MYO10: variants seen among roughly 807,000 people sequenced by gnomAD.
MYO10 encodes myosin X.
MYO10 carries 133 observed loss-of-function variants against 257.3 expected under a neutral mutation model. That is an observed-to-expected ratio of 0.52 (90% confidence interval 0.45 to 0.60). MYO10 has a LOEUF of 0.60. MYO10 is among the 20% of genes least tolerant of loss of function. The pLI is 0.00. For synonymous variants in MYO10, 1,104 were observed against 1,028.6 expected (o/e 1.07, Z -1.40); for missense variants, 2,399 against 2,635.7 (o/e 0.91, Z 1.97).
intron 19 of MYO10, among the ~76,000 whole-genome samples, chr5:16,737,818 C>T (rs559657152): frequency 1.3e-5 from 2 of 152,182 alleles, no homozygotes; most frequent in East Asian, 3.9e-4. Flanking sequence ...AGGCTAGAGC[C>T]CAACAACAAA....
intron 3 of MYO10, among the ~76,000 whole-genome samples, chr5:16,804,644 A>G (rs952440179): frequency 7.2e-5 from 11 of 152,038 alleles, no homozygotes; most frequent in African/African-American, 2.4e-4. Flanking sequence ...AAGCTGAGGC[A>G]GGAGGATCAC....
chr5:16,839,169 T>C (rs1057302231), intron 2 of MYO10, among the ~76,000 whole-genome samples: 45 of 152,284 alleles, frequency 3.0e-4, no homozygotes, highest in Non-Finnish European at 4.6e-4. Flanking sequence ...CCATAGTAGA[T>C]GGTGATTGCT....
intron 3 of MYO10, among the ~76,000 whole-genome samples, chr5:16,813,546 G>C (rs1449230799): frequency 6.7e-6 from 1 of 149,394 alleles, no homozygotes; most frequent in Non-Finnish European, 1.5e-5. Context: ...GTGAGACCCT[G>C]GCTCTAAAAA....
At chr5:16,834,190 G>A (rs575923679) in intron 2 of MYO10, among the ~76,000 whole-genome samples, 8 of 152,106 alleles carry the variant, frequency 5.3e-5, no homozygotes, top group African/African-American at 1.4e-4. Context: ...TAGTCTGAGC[G>A]GGCTGGCCTT....
intron 34 of MYO10, among the ~76,000 whole-genome samples, chr5:16,675,499 AG>A (rs1415675599): frequency 6.6e-6 from 1 of 152,144 alleles, no homozygotes; most frequent in African/African-American, 2.4e-5. Context: ...GCACTTTGGG[AG>A]GCCGAGGCAG....
rs200836233 is a variant in MYO10 at position 16,701,659 on chromosome 5, G to C, written c.2736C>G (p.Thr912=). ...RMKEQQELSL[T]EASLQKLQER... ...CCTGCAGCTTCTGCAGGGAAGCCTCGGTCAGCGACAGCTCCTGCTGCTCCT... is the reference window on the plus strand; with the variant it reads ...CCTGCAGCTTCTGCAGGGAAGCCTCCGTCAGCGACAGCTCCTGCTGCTCCT... The change falls in exon 25 of 41, where the codon ACC becomes ACG. Residue 912 remains threonine, a synonymous_variant. Coordinates refer to ENST00000513610, the MANE Select transcript of MYO10 (RefSeq NM_012334.3). This position sits in a 1 kb window ranked among gnomAD's most constrained non-coding sequence, Gnocchi z 8.1. The C allele has an allele frequency of 3.1e-6, 5 of 1,613,686 alleles. No individual in the cohort carries two copies. Among genetic ancestry groups the C allele is most frequent in the Admixed American group, 1.7e-5 (1 of 59,968 alleles).
At chr5:16,816,774 C>T (rs773168870) in intron 3 of MYO10, among the ~76,000 whole-genome samples, 1 of 151,804 alleles carries the variant, frequency 6.6e-6, no homozygotes, top group African/African-American at 2.4e-5. Flanking sequence ...GTGATCCGCC[C>T]GTCTCAGCCT....
At chr5:16,863,684 AAT>A (rs1744167374) in intron 2 of MYO10, among the ~76,000 whole-genome samples, 1 of 152,194 alleles carries the variant, frequency 6.6e-6, no homozygotes, top group Admixed American at 6.5e-5. Flanking sequence ...ATGAAAACAG[AAT>A]ATGTTTCTAG....
At chr5:16,767,320 G>A (rs1023750395) in intron 10 of MYO10, among the ~76,000 whole-genome samples, 8 of 151,492 alleles carry the variant, frequency 5.3e-5, no homozygotes, top group East Asian at 2.0e-4. Flanking sequence ...ACAGGTGCCC[G>A]CCACCAAGCC....
rs1399025874 is a variant in MYO10, at chr5:16,821,998, T to C, written c.121-3831A>G. 8.9e-5 allele frequency among the ~76,000 whole-genome samples: 13 copies of C among 146,110 alleles called. 1 individual carries two copies. Among genetic ancestry groups the C allele is most frequent in the Admixed American group, 8.8e-4 (13 of 14,728 alleles). ...TGTGTATTTCAAAAAAAAAAAAGAA[T>C]AGTAGAGAAAAATGTATTTGTGGAG... On this transcript the variant is annotated intron_variant, in intron 2 of 40. Coordinates refer to ENST00000513610, the MANE Select transcript of MYO10 (RefSeq NM_012334.3).
intron 19 of MYO10, among the ~76,000 whole-genome samples, chr5:16,742,538 G>A (rs1382175995): frequency 1.3e-5 from 2 of 152,168 alleles, no homozygotes; most frequent in African/African-American, 4.8e-5. Flanking sequence ...AAAACCAGAA[G>A]GGCCCGCATG....
At chr5:16,820,758 A>T (rs919211975) in intron 2 of MYO10, among the ~76,000 whole-genome samples, 6 of 151,990 alleles carry the variant, frequency 3.9e-5, no homozygotes, top group Admixed American at 2.6e-4. Context: ...GCTTTCTGGA[A>T]ATAATCATAC....
chr5:16,781,977 G>A, intron 5 of MYO10, 148 bp from the exon 6 acceptor site: 1 of 989,640 alleles, frequency 1.0e-6, no homozygotes, highest in Non-Finnish European at 1.5e-6. Flanking sequence ...TTCCGGAAGA[G>A]CCAGATTTTC....
intron 1 of MYO10, among the ~76,000 whole-genome samples, chr5:16,879,742 C>A (rs1459384529): frequency 2.0e-5 from 3 of 152,204 alleles, no homozygotes; most frequent in African/African-American, 7.2e-5. Context: ...TCTAACAACA[C>A]AGAGTCACCT....
chr5:16,708,046 T>C (rs770029915), intron 21 of MYO10, among the ~76,000 whole-genome samples: 5 of 152,322 alleles, frequency 3.3e-5, no homozygotes, highest in Admixed American at 6.5e-5. Context: ...CTATCCAACA[T>C]GTAACTCAAA....
intron 2 of MYO10, among the ~76,000 whole-genome samples, chr5:16,832,496 C>G (rs1004896372): frequency 2.0e-5 from 3 of 152,146 alleles, no homozygotes; most frequent in African/African-American, 7.2e-5. Context: ...CTCCTCTAAC[C>G]CTCTGGTTTT....
chr5:16,694,504 C>CT lies in MYO10; in HGVS notation c.3666dup (p.Gly1223ArgfsTer28). ...CTGGACAGCGTGGAGGAGCCCCCCC[C>CT]TTTTTTGTGGAGCCAGCCTTGCTTG... On this transcript the variant is annotated frameshift_variant, in exon 27 of 41. Transcript: ENST00000513610. LOFTEE classifies it high-confidence loss of function. 3.1e-6 allele frequency: 5 copies of CT among 1,614,010 alleles called. No homozygotes were observed. The highest frequency in any genetic ancestry group is 4.2e-6 in the Non-Finnish European group (5 of 1,179,876).
At position 16,711,164 on chromosome 5, in the gene MYO10, C is replaced by T. The variant is rs748040621; in HGVS notation, c.2011G>A (p.Ala671Thr). Residue 671 changes from alanine to threonine, a missense_variant, in exon 20 of 41, where the codon GCT becomes ACT. By Grantham distance (58) the Ala-to-Thr change is moderately conservative. This residue lies in a region of MYO10 where 1,820 missense variants were observed against 1,939.4 expected (regional missense o/e 0.94). Coordinates refer to ENST00000513610, the MANE Select transcript of MYO10 (RefSeq NM_012334.3). Reference protein sequence around the residue: ...GMLETVRIRKAGYAVRRPFQD... With the variant: ...GMLETVRIRKTGYAVRRPFQD... ...AAGGGTCTTCGGACCGCATACCCAG[C>T]TTTGCGGATTCTCACAGTCTCCAGC... is the stretch of plus-strand genomic sequence containing the variant. 16 of 1,613,764 alleles carry T rather than the reference C, an allele frequency of 9.9e-6. No homozygotes were observed. The highest frequency in any genetic ancestry group is 1.2e-5 in the Non-Finnish European group (14 of 1,179,846).
intron 27 of MYO10, 49 bp from the exon 28 acceptor site, chr5:16,689,968 G>T: frequency 7.4e-7 from 1 of 1,352,338 alleles, no homozygotes; most frequent in South Asian, 1.2e-5. Flanking sequence ...ACCAAATTCT[G>T]AATAACTGAG....
Sources: gnomAD v4.1 joint callset for allele counts (sites outside exome capture counted in the v4.1 genomes callset) on GRCh38, gnomAD v4.1.1 for gene constraint, gnomAD v4.1.1 regional missense constraint, Gnocchi (gnomAD v3.1) non-coding constraint, MANE v1.5 for transcripts, NCBI Gene and HGNC (gene_info 2026-07-23, HGNC 2026-07-21) for gene names.